Variants in ADGRL2 observed in about 807,000 individuals in gnomAD.
The protein encoded by ADGRL2 is adhesion G protein-coupled receptor L2, also known as calcium-independent alpha-latrotoxin receptor 2.
In ADGRL2, 44 loss-of-function variants were observed where a neutral mutation model predicts 157.4. The ratio of observed to expected loss-of-function variants is 0.28; its 90% confidence interval spans 0.22 to 0.36. The LOEUF (loss-of-function observed/expected upper bound fraction) is 0.36, where lower values mean the gene tolerates loss of function less well. Among genes scored for constraint, ADGRL2 ranks in the 10% least tolerant of loss-of-function variants. The pLI, the probability that ADGRL2 is intolerant of heterozygous loss-of-function variation, is 1.00. For synonymous variants in ADGRL2, 585 were observed against 624.7 expected (o/e 0.94, Z 0.95); for missense variants, 1,510 against 1,768.9 (o/e 0.85, Z 2.63).
At chr1:81,643,003 C>G (rs989829382) in intron 3 of ADGRL2, among the ~76,000 whole-genome samples, 1 of 152,160 alleles carries the variant, frequency 6.6e-6, no homozygotes, top group Admixed American at 6.5e-5. Flanking sequence ...TCAAAGCTTT[C>G]TCACCAAGAT....
At chr1:81,614,622 C>T (rs1252766718) in intron 3 of ADGRL2, among the ~76,000 whole-genome samples, 2 of 152,130 alleles carry the variant, frequency 1.3e-5, no homozygotes, top group Non-Finnish European at 2.9e-5. Context: ...TGCAGTTCTA[C>T]CCCTAGATTC....
At chr1:81,527,644 G>GA (rs1226519693) in intron 2 of ADGRL2, among the ~76,000 whole-genome samples, 1 of 151,902 alleles carries the variant, frequency 6.6e-6, no homozygotes, top group Non-Finnish European at 1.5e-5. Context: ...CCCGGGAGGC[G>GA]GAGGTTGCAG....
intron 3 of ADGRL2, among the ~76,000 whole-genome samples, chr1:81,683,426 G>A (rs747151032): frequency 8.0e-4 from 121 of 152,182 alleles, no homozygotes; most frequent in Non-Finnish European, 1.5e-3. Flanking sequence ...CATATTTGTA[G>A]TCTTTTATCC....
intron 1 of ADGRL2, among the ~76,000 whole-genome samples, chr1:81,708,231 A>C (rs1030958688): frequency 2.6e-5 from 4 of 152,190 alleles, no homozygotes; most frequent in African/African-American, 7.2e-5. Context: ...AATCATTACC[A>C]AGAGAATGCC....
intron 1 of ADGRL2, among the ~76,000 whole-genome samples, chr1:81,319,744 G>A (rs1432939332): frequency 6.6e-6 from 1 of 152,112 alleles, no homozygotes; most frequent in Non-Finnish European, 1.5e-5. Flanking sequence ...AAGACCCATG[G>A]ACCATATTGT....
intron 3 of ADGRL2, among the ~76,000 whole-genome samples, chr1:81,665,413 A>G (rs2082732759): frequency 6.6e-6 from 1 of 152,180 alleles, no homozygotes; most frequent in African/African-American, 2.4e-5. Flanking sequence ...AAACTGAGAT[A>G]CATTTCATTT....
intron 1 of ADGRL2, among the ~76,000 whole-genome samples, chr1:81,830,212 C>T (rs1302815099): frequency 6.6e-6 from 1 of 151,982 alleles, no homozygotes; most frequent in African/African-American, 2.4e-5. Context: ...CCAGTTAATA[C>T]AGAAGGTAAA....
In ADGRL2 at chr1:81,576,746, A is replaced by G. The variant is rs148421228; in HGVS notation, c.-247-4130A>G. 2.7e-3 allele frequency among the ~76,000 whole-genome samples: 409 copies of G among 152,318 alleles called. 5 individuals carry two copies. The highest frequency in any genetic ancestry group is 0.019 in the Admixed American group (295 of 15,284). ...AAAATTTCAGTAAAGCAATATGTTTACCAAGCAATTAATTTAGGCATTTGC... is the reference window on the plus strand; with the variant it reads ...AAAATTTCAGTAAAGCAATATGTTTGCCAAGCAATTAATTTAGGCATTTGC... On this transcript the variant is annotated intron_variant, in intron 2 of 24. Transcript: ENST00000370721.
intron 23 of ADGRL2, among the ~76,000 whole-genome samples, chr1:81,988,899 T>C (rs1419222090): frequency 6.6e-6 from 1 of 152,166 alleles, no homozygotes; most frequent in African/African-American, 2.4e-5. Context: ...AAGCCTTGCA[T>C]ACAATGCAGC....
At chr1:81,770,091 G>A (rs1053807561) in intron 2 of ADGRL2, among the ~76,000 whole-genome samples, 2 of 149,594 alleles carry the variant, frequency 1.3e-5, no homozygotes, top group South Asian at 2.1e-4. Context: ...CTGACCTCAG[G>A]TGGTCCACCT....
At chr1:81,658,710 C>T (rs2082587619) in intron 3 of ADGRL2, among the ~76,000 whole-genome samples, 1 of 151,984 alleles carries the variant, frequency 6.6e-6, no homozygotes, top group South Asian at 2.1e-4. Flanking sequence ...TTTTTAATTC[C>T]TACTGTTAAT....
chr1:81,958,671 G>T (rs892653322), intron 11 of ADGRL2, among the ~76,000 whole-genome samples: 1 of 152,128 alleles, frequency 6.6e-6, no homozygotes, highest in African/African-American at 2.4e-5. Flanking sequence ...AAGAGCACCT[G>T]TTTTAAGTGT....
chr1:81,365,340 C>G (rs2076046853), intron 1 of ADGRL2, among the ~76,000 whole-genome samples: 1 of 152,176 alleles, frequency 6.6e-6, no homozygotes, highest in African/African-American at 2.4e-5. Flanking sequence ...AAAAAGTTGC[C>G]AAAGTGTAGG....
chr1:81,872,247 G>T (rs1470726431), intron 2 of ADGRL2, among the ~76,000 whole-genome samples: 1 of 152,090 alleles, frequency 6.6e-6, no homozygotes, highest in Non-Finnish European at 1.5e-5. Context: ...GGTTGTAGAT[G>T]TGTGGTATTA....
At chr1:81,311,950 G>A (rs1438584502) in intron 1 of ADGRL2, among the ~76,000 whole-genome samples, 4 of 152,136 alleles carry the variant, frequency 2.6e-5, no homozygotes, top group Admixed American at 2.6e-4. Flanking sequence ...GGGTTTAGGA[G>A]ATTTTAAACA....
chr1:81,631,073 T>C (rs910112683), intron 3 of ADGRL2, among the ~76,000 whole-genome samples: 2 of 152,208 alleles, frequency 1.3e-5, no homozygotes, highest in Non-Finnish European at 2.9e-5. Flanking sequence ...CATATTGTTT[T>C]TTTCAAGAGT....
intron 2 of ADGRL2, chr1:81,557,486 A>AAAGAAAGAAAGAAAG (rs2080325783): frequency 9.9e-6 from 1 of 101,306 alleles, no homozygotes; most frequent in Non-Finnish European, 1.8e-5. Flanking sequence ...AAGAAAGAAG[A>AAAGAAAGAAAGAAAG]AAGAAAGAAA....
chr1:81,671,079 G>T (rs993738833), intron 3 of ADGRL2, among the ~76,000 whole-genome samples: 1 of 152,126 alleles, frequency 6.6e-6, no homozygotes, highest in South Asian at 2.1e-4. Flanking sequence ...GCAAACGGAG[G>T]CCCCAGTTCA....
intron 2 of ADGRL2, among the ~76,000 whole-genome samples, chr1:81,453,463 G>A (rs1422606601): frequency 1.3e-5 from 2 of 152,110 alleles, no homozygotes; most frequent in African/African-American, 4.8e-5. Context: ...TTCCATAACA[G>A]CAGCCACTTA....
Sources: allele counts gnomAD v4.1 joint callset (sites outside exome capture counted in the v4.1 genomes callset), GRCh38; gene constraint gnomAD v4.1.1; transcripts MANE v1.5; gene names NCBI Gene and HGNC (gene_info 2026-07-23, HGNC 2026-07-21).